The following DEPDC1B variants were observed in gnomAD, a reference collection of about 807,000 sequenced individuals.
DEPDC1B encodes DEP domain-containing protein 1B.
Under a neutral mutation model 66.5 loss-of-function variants are expected in DEPDC1B, and 51 were observed. The ratio of observed to expected loss-of-function variants is 0.77; its 90% CI spans 0.61 to 0.97. The LOEUF is 0.97. Ranked by LOEUF, DEPDC1B falls within the 50% of genes least tolerant of loss-of-function variation. The pLI is 0.00. For missense variants in DEPDC1B, 552 were observed against 637.1 expected, an observed-to-expected ratio of 0.87 and a Z score of 1.44; for synonymous variants, 226 against 223.6, an observed-to-expected ratio of 1.01 and a Z score of -0.10.
chr5:60,665,769 T>C (rs1584081973), intron 2 of DEPDC1B, among the ~76,000 whole-genome samples: 1 of 152,330 alleles, frequency 6.6e-6, no homozygotes, highest in East Asian at 1.9e-4. Flanking sequence ...GAAAGGTGAC[T>C]GCACCTACCT....
At chr5:60,628,333 C>T (rs552539218) in intron 7 of DEPDC1B, 7 of 152,158 alleles carry the variant, frequency 4.6e-5, no homozygotes, top group Non-Finnish European at 5.9e-5. Flanking sequence ...ACATGTACAA[C>T]GTCAAGAGCA....
chr5:60,599,808 A>G (rs1752168000), intron 9 of DEPDC1B, among the ~76,000 whole-genome samples: 1 of 152,186 alleles, frequency 6.6e-6, no homozygotes, highest in Admixed American at 6.5e-5. Context: ...GAATACTTTT[A>G]GTAAATCTTA....
intron 2 of DEPDC1B, among the ~76,000 whole-genome samples, chr5:60,649,606 A>G (rs1753396346): frequency 6.6e-6 from 1 of 152,208 alleles, no homozygotes; most frequent in African/African-American, 2.4e-5. Flanking sequence ...TTCAAATGCC[A>G]CATTTTTCAC....
At chr5:60,670,914 G>A (rs1048534441) in intron 2 of DEPDC1B, among the ~76,000 whole-genome samples, 7 of 152,188 alleles carry the variant, frequency 4.6e-5, no homozygotes, top group African/African-American at 1.7e-4. Flanking sequence ...CAGAGGTCAT[G>A]GATCCTGATC....
intron 7 of DEPDC1B, among the ~76,000 whole-genome samples, chr5:60,615,642 G>A (rs202227733): frequency 5.9e-5 from 9 of 152,178 alleles, no homozygotes; most frequent in South Asian, 2.1e-4. Flanking sequence ...TAAAGCAGCC[G>A]GGAAGCTTGA....
rs1275472295 is a variant in DEPDC1B, at chr5:60,597,132, T to C, written c.*621A>G. 2.0e-5 allele frequency: 3 copies of C among 152,586 alleles called. No homozygotes were observed. The highest frequency in any genetic ancestry group is 1.3e-4 in the Admixed American group (2 of 15,280). The allele number at this position is 152,586 out of a possible 1,614,324, so 9.5% of individuals were successfully genotyped here. ...GGCAGATGAAAATCTACTCCACTTA[T>C]AGGTAAACATCAACTAATATATATG... On this transcript the variant is annotated 3_prime_UTR_variant, in exon 11 of 11. Coordinates refer to ENST00000265036, the MANE Select transcript of DEPDC1B (RefSeq NM_018369.3).
intron 2 of DEPDC1B, among the ~76,000 whole-genome samples, chr5:60,658,296 A>G (rs1346446258): frequency 6.6e-6 from 1 of 152,124 alleles, no homozygotes; most frequent in African/African-American, 2.4e-5. Flanking sequence ...TTTTCTGGCA[A>G]TTCAAGGATT....
intron 2 of DEPDC1B, among the ~76,000 whole-genome samples, chr5:60,683,320 T>C (rs1267520165): frequency 4.6e-5 from 7 of 152,084 alleles, no homozygotes; most frequent in Non-Finnish European, 1.0e-4. Context: ...TAGTCCCTGC[T>C]ATGCAGGAGG....
intron 2 of DEPDC1B, among the ~76,000 whole-genome samples, chr5:60,657,590 A>T (rs199677642): frequency 6.6e-6 from 1 of 152,120 alleles, no homozygotes; most frequent in African/African-American, 2.4e-5. Flanking sequence ...GCTGATAATT[A>T]TTTTGTTTAA....
intron 7 of DEPDC1B, among the ~76,000 whole-genome samples, chr5:60,618,112 C>T (rs1752606327): frequency 6.6e-6 from 1 of 152,104 alleles, no homozygotes; most frequent in African/African-American, 2.4e-5. Context: ...CAAAACATAC[C>T]AGAATCTCTG....
intron 7 of DEPDC1B, among the ~76,000 whole-genome samples, chr5:60,608,976 G>A (rs1752364951): frequency 6.6e-6 from 1 of 152,056 alleles, no homozygotes; most frequent in African/African-American, 2.4e-5. Context: ...TAGGCATAGT[G>A]GTGCATGCTT....
chr5:60,670,519 A>G (rs1376510459), intron 2 of DEPDC1B, among the ~76,000 whole-genome samples: 1 of 152,274 alleles, frequency 6.6e-6, no homozygotes, highest in Non-Finnish European at 1.5e-5. Flanking sequence ...AGTTGATTCT[A>G]AAATGTATAT....
chr5:60,642,689 A>C (rs1753215985), intron 6 of DEPDC1B, 123 bp downstream of exon 6: 2 of 680,368 alleles, frequency 2.9e-6, no homozygotes, highest in Non-Finnish European at 5.0e-6. Flanking sequence ...GTAGTCCCAA[A>C]ATAATTAACT....
At chr5:60,598,973 T>A in intron 10 of DEPDC1B, 102 bp downstream of exon 10, 1 of 1,014,896 alleles carries the variant, frequency 9.9e-7, no homozygotes, top group East Asian at 2.7e-5. Flanking sequence ...AAAACTGCTA[T>A]GGCTCAGAAG....
chr5:60,621,834 C>A (rs1011681722), intron 7 of DEPDC1B, among the ~76,000 whole-genome samples: 9 of 152,160 alleles, frequency 5.9e-5, no homozygotes, highest in African/African-American at 2.2e-4. Context: ...AGCCTAAGCT[C>A]TTTCAGACAA....
intron 2 of DEPDC1B, among the ~76,000 whole-genome samples, chr5:60,653,450 T>C (rs1270856492): frequency 6.6e-6 from 1 of 152,148 alleles, no homozygotes; most frequent in African/African-American, 2.4e-5. Flanking sequence ...AAAGGATTGT[T>C]TGTTGTTATC....
In DEPDC1B at chr5:60,630,322, G is replaced by A. The variant is rs543046560; in HGVS notation, c.898+8428C>T. Among the ~76,000 whole-genome samples the A allele has an allele frequency of 2.6e-5, 4 of 152,346 alleles. No individual in the cohort carries two copies. The South Asian group carries it at 8.3e-4, about 32-fold the overall frequency. On this transcript the variant is annotated intron_variant, in intron 7 of 10. Coordinates refer to ENST00000265036, the MANE Select transcript of DEPDC1B (RefSeq NM_018369.3). ...AGTCAGCTCCTTGCCCAGAGTAGGA[G>A]CTATCAGGAGATGTGCGCTCGGCAC...
intron 2 of DEPDC1B, among the ~76,000 whole-genome samples, chr5:60,676,907 C>T (rs1167341947): frequency 6.6e-6 from 1 of 152,114 alleles, no homozygotes; most frequent in Non-Finnish European, 1.5e-5. Flanking sequence ...GGAATGTGGC[C>T]ACTGGAGTGA....
chr5:60,608,994 T>C (rs779745949), intron 7 of DEPDC1B, among the ~76,000 whole-genome samples: 3 of 152,080 alleles, frequency 2.0e-5, no homozygotes, highest in Admixed American at 6.6e-5. Context: ...CTTGTGGTCC[T>C]AGCTACTCAG....
Sources: gnomAD v4.1 joint callset for allele counts (sites outside exome capture counted in the v4.1 genomes callset) on GRCh38, gnomAD v4.1.1 for gene constraint, MANE v1.5 for transcripts, NCBI Gene and HGNC (gene_info 2026-07-23, HGNC 2026-07-21) for gene names.